The following SPTAN1 variants were observed in gnomAD, a reference collection of about 807,000 sequenced individuals.
SPTAN1 encodes the protein spectrin alpha chain, non-erythrocytic 1.
Under a neutral mutation model 331.3 loss-of-function variants are expected in SPTAN1, and 61 were observed. That is an observed-to-expected ratio of 0.18 (90% CI 0.15 to 0.23). The LOEUF (loss-of-function observed/expected upper bound fraction) is 0.23. Among genes scored for constraint, SPTAN1 ranks in the 10% least tolerant of loss-of-function variants. SPTAN1 has a pLI of 1.00. For synonymous variants in SPTAN1, 1,153 were observed against 1,173.9 expected, an observed-to-expected ratio of 0.98 and a Z score of 0.36; for missense variants, 2,043 against 3,147.9, an observed-to-expected ratio of 0.65 and a Z score of 8.40.
At chr9:128,589,030 C>T in intron 21 of SPTAN1, 87 bp downstream of exon 21, 3 of 1,558,104 alleles carry the variant, frequency 1.9e-6, no homozygotes, top group Non-Finnish European at 2.6e-6. Context: ...GCATGTCTCC[C>T]TGAAATGAGA....
At chr9:128,594,936 T>C (rs1034352527) in intron 24 of SPTAN1, among the ~76,000 whole-genome samples, 7 of 151,080 alleles carry the variant, frequency 4.6e-5, no homozygotes, top group Non-Finnish European at 1.0e-4. Flanking sequence ...CAAGCAGTTC[T>C]GTCTCAGCCT....
At chr9:128,580,869 GGAGGCATT>G in intron 10 of SPTAN1, 45 bp from the exon 11 acceptor site, 1 of 1,610,626 alleles carries the variant, frequency 6.2e-7, no homozygotes, top group Non-Finnish European at 8.5e-7. Flanking sequence ...TGTCTGCCTC[GGAGGCATT>G]GGGGCTGACC....
chr9:128,580,887 C>T (rs375865924), intron 10 of SPTAN1, 35 bp from the exon 11 acceptor site: 2 of 1,611,782 alleles, frequency 1.2e-6, no homozygotes, highest in Admixed American at 1.7e-5. Context: ...TGGGGCTGAC[C>T]TCATCTCCCT....
Position 128,608,045 on chromosome 9 carries a change from T to C in SPTAN1, c.4340T>C (p.Leu1447Pro). 6.2e-7 allele frequency: 1 copy of C among 1,614,174 alleles called. No homozygotes were observed. The highest frequency in any genetic ancestry group is 8.5e-7 in the Non-Finnish European group (1 of 1,180,030). The change falls in exon 33 of 57, where the codon CTG (leucine) becomes CCG (proline). Residue 1447 changes from leucine to proline, a missense_variant. Coordinates refer to ENST00000372739, the MANE Select transcript of SPTAN1 (RefSeq NM_001130438.3). ...ATGATGCTGGATCAGTGCCTTGAAC[T>C]GCAGGTGTGTGTGCTCCTGGTTTCT... is the stretch of plus-strand genomic sequence containing the variant. ...RRMMLDQCLE[L>P]QLFHRDCEQA... is the part of the protein sequence containing the mutation.
intron 1 of SPTAN1, among the ~76,000 whole-genome samples, chr9:128,564,246 C>G (rs1271001901): frequency 6.6e-6 from 1 of 152,086 alleles, no homozygotes; most frequent in Non-Finnish European, 1.5e-5. Context: ...TGGTGAAACC[C>G]CGTCTCTACT....
At chr9:128,611,938 C>G in intron 38 of SPTAN1, 93 bp downstream of exon 38, 1 of 1,605,928 alleles carries the variant, frequency 6.2e-7, no homozygotes, top group Non-Finnish European at 8.5e-7. Context: ...TCTTAAGACA[C>G]TAAATGGATT....
intron 25 of SPTAN1, 48 bp from the exon 26 acceptor site, chr9:128,598,915 A>G: frequency 6.5e-7 from 1 of 1,545,482 alleles, no homozygotes; most frequent in South Asian, 1.1e-5. Flanking sequence ...TTCTTGAGAG[A>G]TGTGTATTTC....
chr9:128,625,647 A>G lies in SPTAN1; in HGVS notation c.6070-122A>G, dbSNP rs1858623127. The stretch of plus-strand genomic sequence containing the variant: ...GGGGCATGTGTGACTGAGTCTCAGC[A>G]GTGTCCAGGTGGACAGTTTGGCTTG... On this transcript the variant is annotated intron_variant, in intron 47 of 56. Coordinates refer to ENST00000372739, the MANE Select transcript of SPTAN1 (RefSeq NM_001130438.3). This position sits in a 1 kb window ranked among gnomAD's most constrained non-coding sequence, Gnocchi z 4.1. 2.2e-6 allele frequency: 2 copies of G among 893,964 alleles called. No individual in the cohort carries two copies. Among genetic ancestry groups the G allele is most frequent in the Admixed American group, 3.6e-5 (2 of 55,818 alleles). 55.4% of individuals were successfully genotyped at this position (893,964 alleles called of 1,614,324 possible).
At chr9:128,614,919 A>G (rs1166359166) in intron 40 of SPTAN1, among the ~76,000 whole-genome samples, 3 of 152,196 alleles carry the variant, frequency 2.0e-5, no homozygotes, top group Non-Finnish European at 4.4e-5. Context: ...TGCATGGCTC[A>G]TTTGGTAAAT....
intron 27 of SPTAN1, among the ~76,000 whole-genome samples, chr9:128,600,394 C>G (rs1854953755): frequency 1.3e-5 from 2 of 152,160 alleles, no homozygotes; most frequent in South Asian, 4.1e-4. Flanking sequence ...GGCAGGGTCC[C>G]ACCAGTAAGA....
intron 37 of SPTAN1, among the ~76,000 whole-genome samples, chr9:128,610,518 A>G (rs1351986977): frequency 6.6e-6 from 1 of 151,912 alleles, no homozygotes; most frequent in Admixed American, 6.6e-5. Flanking sequence ...CTGAAATGAA[A>G]CATTTGATGC....
At chr9:128,617,588 G>T in intron 41 of SPTAN1, 52 bp from the exon 42 acceptor site, 1 of 1,613,138 alleles carries the variant, frequency 6.2e-7, no homozygotes, top group Non-Finnish European at 8.5e-7. Flanking sequence ...GTCCCCACTT[G>T]AAAGCAGGGA....
At chr9:128,595,197 C>T (rs1258048532) in intron 24 of SPTAN1, among the ~76,000 whole-genome samples, 1 of 152,120 alleles carries the variant, frequency 6.6e-6, no homozygotes, top group Non-Finnish European at 1.5e-5. Context: ...GCAACTTCTG[C>T]CTCCCAGGCT....
chr9:128,612,631 A>G (rs1792193116), intron 39 of SPTAN1, among the ~76,000 whole-genome samples: 1 of 152,202 alleles, frequency 6.6e-6, no homozygotes, highest in African/African-American at 2.4e-5. Flanking sequence ...GACTATAAAA[A>G]CATAGAGGTT....
In SPTAN1 at chr9:128,591,416, T is replaced by C. The variant is rs1404839476; in HGVS notation, c.3007-61T>C. The C allele has an allele frequency of 4.3e-6, 7 of 1,609,324 alleles. No homozygotes were observed. In the East Asian group the frequency reaches 1.6e-4, roughly 36 times the overall value. The stretch of plus-strand genomic sequence containing the variant: ...CTCGTGTGTGTGTATACACGTGACC[T>C]CCTTGGATTCTCCCTCTCAGAGAAG... On this transcript the variant is annotated intron_variant, in intron 21 of 56. Coordinates refer to ENST00000372739, the MANE Select transcript of SPTAN1 (RefSeq NM_001130438.3).
chr9:128,586,485 A>G (rs570206241), intron 19 of SPTAN1, among the ~76,000 whole-genome samples: 1 of 152,170 alleles, frequency 6.6e-6, no homozygotes, highest in South Asian at 2.1e-4. Flanking sequence ...GAGAGAGAAG[A>G]TGACTTCTCA....
rs745514857 is a variant in SPTAN1, at chr9:128,619,003, G to A, written c.5733G>A (p.Gln1911=). The change falls in exon 44 of 57, where the codon CAG becomes CAA. Residue 1911 remains glutamine, a splice_region_variant and synonymous_variant. Transcript: ENST00000372739. The part of the protein sequence containing the change: ...EDYGDTLAAI[Q]GLLKKHEAFE... Reference sequence around the variant, plus strand: ...ATGGCGACACTCTTGCCGCCATCCAGGTGAGACAGAAACCAAAGGTGTCAC... The same window carrying A: ...ATGGCGACACTCTTGCCGCCATCCAAGTGAGACAGAAACCAAAGGTGTCAC... 1.2e-6 allele frequency: 2 copies of A among 1,613,712 alleles called. No homozygotes were observed. Among genetic ancestry groups the A allele is most frequent in the Admixed American group, 3.3e-5 (2 of 59,996 alleles).
Position 128,553,918 on chromosome 9 carries a change from G to C in SPTAN1, c.-4+1222G>C, listed in dbSNP as rs1848389483. 3.3e-5 allele frequency among the ~76,000 whole-genome samples: 5 copies of C among 152,302 alleles called. No homozygotes were observed. In the South Asian group the frequency reaches 1.0e-3, roughly 32 times the overall value. On this transcript the variant is annotated intron_variant, in intron 1 of 56. Coordinates refer to ENST00000372739, the MANE Select transcript of SPTAN1 (RefSeq NM_001130438.3). Reference sequence around the variant, plus strand: ...GAATGTATCAAAGATGGAAGGGTGGGGGTGTCTTGGAGCCAGGAAACAGAA... The same window carrying C: ...GAATGTATCAAAGATGGAAGGGTGGCGGTGTCTTGGAGCCAGGAAACAGAA...
Position 128,568,873 on chromosome 9 carries a change from G to T in SPTAN1, c.339G>T (p.Gly113=), listed in dbSNP as rs746490684. 1.9e-6 allele frequency: 3 copies of T among 1,613,992 alleles called. No individual in the cohort carries two copies. The South Asian group carries it at 3.3e-5, about 18-fold the overall frequency. ...CTGGAAACCTGATGATCTCAGAAGG[G>T]CATTTTGCATCTGAAACCATACGGG... ...DETGNLMISE[G]HFASETIRTR... is the part of the protein sequence containing the mutation. The change falls in exon 3 of 57, where the codon GGG becomes GGT. Residue 113 remains glycine (G), a synonymous_variant. Coordinates refer to ENST00000372739, the MANE Select transcript of SPTAN1 (RefSeq NM_001130438.3).
Sources: gnomAD v4.1 joint callset for allele counts (sites outside exome capture counted in the v4.1 genomes callset) on GRCh38, gnomAD v4.1.1 for gene constraint, Gnocchi (gnomAD v3.1) non-coding constraint, MANE v1.5 for transcripts, NCBI Gene and HGNC (gene_info 2026-07-23, HGNC 2026-07-21) for gene names.